PGAP4: variants seen among roughly 807,000 people sequenced by gnomAD.
PGAP4 encodes post-GPI attachment to proteins GalNAc transferase 4.
Under a neutral mutation model 28.2 loss-of-function variants are expected in PGAP4, and 12 were observed. The ratio of observed to expected loss-of-function variants is 0.42; its 90% confidence interval spans 0.27 to 0.69. The LOEUF (loss-of-function observed/expected upper bound fraction) is 0.69, where lower values mean the gene tolerates loss of function less well. PGAP4 is among the 30% of genes least tolerant of loss of function. PGAP4 has a pLI of 0.22. For synonymous variants in PGAP4, 205 were observed against 211.8 expected (o/e 0.97, Z 0.28); for missense variants, 425 against 513.5 (o/e 0.83, Z 1.67).
At chr9:101,509,709 T>A (rs1826878779) in intron 2 of PGAP4, among the ~76,000 whole-genome samples, 1 of 152,144 alleles carries the variant, frequency 6.6e-6, no homozygotes, top group African/African-American at 2.4e-5. Context: ...TTTCTCAGCT[T>A]GCAAGCATTT....
At chr9:101,502,866 C>T (rs1258747460) in intron 2 of PGAP4, among the ~76,000 whole-genome samples, 2 of 152,004 alleles carry the variant, frequency 1.3e-5, no homozygotes, top group Non-Finnish European at 2.9e-5. Flanking sequence ...TTTTGATGCA[C>T]TTTGGGCCAA....
At chr9:101,512,453 C>T (rs974189655) in intron 2 of PGAP4, among the ~76,000 whole-genome samples, 1 of 152,166 alleles carries the variant, frequency 6.6e-6, no homozygotes, top group African/African-American at 2.4e-5. Flanking sequence ...TGTTCTTGCT[C>T]AAGCTATCTC....
chr9:101,488,547 T>C (rs1826655497), upstream of PGAP4, among the ~76,000 whole-genome samples: 1 of 152,178 alleles, frequency 6.6e-6, no homozygotes, highest in Non-Finnish European at 1.5e-5. Context: ...AGATAATGTA[T>C]ATAAAGTGCT....
At chr9:101,508,353 G>A (rs1324117233) in intron 2 of PGAP4, among the ~76,000 whole-genome samples, 2 of 152,028 alleles carry the variant, frequency 1.3e-5, no homozygotes, top group East Asian at 3.9e-4. Context: ...CATAACTTCG[G>A]AATGCTTTGG....
chr9:101,519,664 T>A (rs894808038), intron 2 of PGAP4, among the ~76,000 whole-genome samples: 13 of 150,642 alleles, frequency 8.6e-5, no homozygotes, highest in African/African-American at 3.2e-4. Flanking sequence ...TACATATATA[T>A]ATACACACAT....
intron 1 of PGAP4, among the ~76,000 whole-genome samples, chr9:101,479,105 T>A (rs5007297): frequency 0.17 from 25,326 of 152,192 alleles, 2,396 homozygotes; most frequent in South Asian, 0.25. Flanking sequence ...AGGTTTGAAT[T>A]ATGCAACCCC....
upstream of PGAP4, chr9:101,487,178 C>A (rs1415355752): frequency 2.0e-5 from 3 of 152,230 alleles, no homozygotes; most frequent in Non-Finnish European, 2.9e-5. Context: ...GGAGAGACCG[C>A]GGCCCCCAAA....
At chr9:101,479,694 G>GATCA (rs1347681692) in intron 1 of PGAP4, 3 of 152,180 alleles carry the variant, frequency 2.0e-5, no homozygotes, top group Non-Finnish European at 4.4e-5. Context: ...CAGCTTTGCT[G>GATCA]GGGTGATTAA....
intron 2 of PGAP4, among the ~76,000 whole-genome samples, chr9:101,499,298 G>A (rs1826777991): frequency 2.0e-5 from 3 of 151,878 alleles, no homozygotes; most frequent in African/African-American, 7.3e-5. Context: ...GGGCTCAAGT[G>A]AGTACTGCAC....
Position 101,476,741 on chromosome 9 carries a change from C to T in PGAP4, c.352G>A (p.Val118Ile), listed in dbSNP as rs145656076. The part of the protein sequence containing the change: ...TVDRQPGFHY[V>I]LQVVSQFHRL... The stretch of plus-strand genomic sequence containing the variant: ...TGGAACTGGGACACAACCTGCAGGA[C>T]GTAGTGGAAGCCAGGCTGCCTGTCC... The change falls in exon 2 of 2, where the codon GTC becomes ATC. Residue 118 changes from valine to isoleucine, a missense_variant. Physicochemically the swap from Val to Ile is conservative, Grantham distance 29. Transcript: ENST00000374848. This position sits in a 1 kb window ranked among gnomAD's most constrained non-coding sequence, Gnocchi z 7.0. 34 of 1,613,708 alleles carry T rather than the reference C, an allele frequency of 2.1e-5. No homozygotes were observed. The highest frequency in any genetic ancestry group is 3.3e-5 in the Admixed American group (2 of 60,000).
chr9:101,512,044 C>G (rs564922487), intron 2 of PGAP4, among the ~76,000 whole-genome samples: 32 of 152,092 alleles, frequency 2.1e-4, no homozygotes, highest in Non-Finnish European at 3.1e-4. Flanking sequence ...GACTGAAAAT[C>G]CAGAATGATG....
At chr9:101,477,988 T>TGTGTG (rs1826376506) in intron 1 of PGAP4, among the ~76,000 whole-genome samples, 1 of 152,148 alleles carries the variant, frequency 6.6e-6, no homozygotes, top group Non-Finnish European at 1.5e-5. Context: ...GAAAAAATGC[T>TGTGTG]GTGTGATATG....
chr9:101,509,434 G>C (rs62575817), intron 2 of PGAP4, among the ~76,000 whole-genome samples: 46 of 152,094 alleles, frequency 3.0e-4, no homozygotes, highest in Admixed American at 5.9e-4. Flanking sequence ...AGCAAGTTTT[G>C]TGACCCATAC....
intron 1 of PGAP4, among the ~76,000 whole-genome samples, chr9:101,481,905 G>T (rs58227299): frequency 6.6e-6 from 1 of 151,812 alleles, no homozygotes; most frequent in African/African-American, 2.4e-5. Context: ...CTTTTATTAT[G>T]CCTCTCTTTT....
chr9:101,498,543 A>G (rs944743197), intron 2 of PGAP4, among the ~76,000 whole-genome samples: 6 of 151,162 alleles, frequency 4.0e-5, no homozygotes, highest in African/African-American at 1.5e-4. Flanking sequence ...GAGCAGTGAG[A>G]TAGCAGTGAG....
At chr9:101,480,391 A>C (rs533902255) in intron 1 of PGAP4, among the ~76,000 whole-genome samples, 6 of 139,972 alleles carry the variant, frequency 4.3e-5, no homozygotes, top group African/African-American at 1.3e-4. Context: ...TGTTTTTAAC[A>C]TTGCTGGTTT....
intron 2 of PGAP4, among the ~76,000 whole-genome samples, chr9:101,516,998 C>T (rs1240330376): frequency 6.6e-6 from 1 of 152,134 alleles, no homozygotes; most frequent in Non-Finnish European, 1.5e-5. Context: ...TGATTGAAGA[C>T]TGAAGGGCAA....
intron 1 of PGAP4, among the ~76,000 whole-genome samples, chr9:101,478,927 G>T (rs1356097398): frequency 6.6e-6 from 1 of 152,162 alleles, no homozygotes; most frequent in Non-Finnish European, 1.5e-5. Flanking sequence ...GCCCTCTACA[G>T]TTGTGTAGAA....
At position 101,475,575 on chromosome 9, in the gene PGAP4, CA is replaced by C. The variant is rs1826274330; in HGVS notation, c.*305del. The C allele has an allele frequency of 2.9e-6, 1 of 341,080 alleles. No homozygotes were observed. The highest frequency in any genetic ancestry group is 4.5e-5 in the Admixed American group (1 of 22,352). The allele number at this position is 341,080 out of a possible 1,614,324, so 21.1% of individuals were successfully genotyped here. A position where few individuals can be genotyped will look rare whatever the true frequency, so the allele number is the denominator to read the frequency against. Reference sequence around the variant, plus strand: ...GGCAGTCACAAGCTCTAACACAAAGCAGAGCTTAAAAACAAATGGAGAATAT... The same window carrying C: ...GGCAGTCACAAGCTCTAACACAAAGCGAGCTTAAAAACAAATGGAGAATAT... On this transcript the variant is annotated 3_prime_UTR_variant, in exon 2 of 2. Coordinates refer to ENST00000374848, the MANE Select transcript of PGAP4 (RefSeq NM_032342.3).
Sources: allele counts gnomAD v4.1 joint callset (sites outside exome capture counted in the v4.1 genomes callset), GRCh38; gene constraint gnomAD v4.1.1; non-coding constraint Gnocchi (gnomAD v3.1); transcripts MANE v1.5; gene names NCBI Gene and HGNC (gene_info 2026-07-23, HGNC 2026-07-21).